The following RIPOR2 variants were observed in gnomAD, a reference collection of about 807,000 sequenced individuals.
The protein encoded by RIPOR2 is rho family-interacting cell polarization regulator 2.
Under a neutral mutation model 114.5 loss-of-function variants are expected in RIPOR2, and 39 were observed. The ratio of observed to expected loss-of-function variants is 0.34; its 90% CI spans 0.26 to 0.44. The LOEUF (loss-of-function observed/expected upper bound fraction) is 0.44. RIPOR2 is among the 20% of genes least tolerant of loss of function. RIPOR2 has a pLI of 1.00. For missense variants in RIPOR2, 1,007 were observed against 1,255.1 expected, an observed-to-expected ratio of 0.80 and a Z score of 2.99; for synonymous variants, 445 against 484.4, an observed-to-expected ratio of 0.92 and a Z score of 1.07.
intron 10 of RIPOR2, 145 bp from the exon 11 acceptor site, chr6:24,850,095 T>TTA: frequency 4.8e-6 from 3 of 621,464 alleles, no homozygotes; most frequent in Middle Eastern, 4.0e-4. Flanking sequence ...ATTTTTCTTT[T>TTA]TCTTTTTTTT....
chr6:24,910,979 G>A, intron 1 of RIPOR2: 1 of 985,220 alleles, frequency 1.0e-6, no homozygotes, highest in Non-Finnish European at 1.2e-6. Context: ...AGGAAGTCGG[G>A]TGGACGCGAG....
rs369641890 is a variant in RIPOR2, at chr6:24,839,253, C to T, written c.1877G>A (p.Arg626His). The change falls in exon 14 of 22, where the codon CGC (arginine) becomes CAC (histidine). Residue 626 changes from arginine to histidine, a missense_variant. By Grantham distance (29) the Arg-to-His change is conservative. Coordinates refer to ENST00000643898, the MANE Select transcript of RIPOR2 (RefSeq NM_001286445.3). Reference sequence around the variant, plus strand: ...GAGACTTAAACTGGAAGACCTGCTGCGGCTTACTGCTGGCTTGCACTGTAA... The same window carrying T: ...GAGACTTAAACTGGAAGACCTGCTGTGGCTTACTGCTGGCTTGCACTGTAA... The part of the protein sequence containing the change: ...DILKCKPAVS[R>H]SRSSSLSLTV... 35 of 1,551,666 alleles carry T rather than the reference C, an allele frequency of 2.3e-5. 1 individual carries two copies. Among genetic ancestry groups the T allele is most frequent in the Admixed American group, 5.9e-5 (3 of 50,980 alleles).
At chr6:24,807,635 C>T (rs746068327) in intron 21 of RIPOR2, among the ~76,000 whole-genome samples, 5 of 152,168 alleles carry the variant, frequency 3.3e-5, no homozygotes, top group Non-Finnish European at 7.3e-5. Flanking sequence ...AACTTCAGTT[C>T]CTCCATGGTG....
intron 1 of RIPOR2, among the ~76,000 whole-genome samples, chr6:24,932,336 G>A (rs967019538): frequency 6.6e-6 from 1 of 152,062 alleles, no homozygotes; most frequent in African/African-American, 2.4e-5. Flanking sequence ...GTGTGTGTGT[G>A]TGTGTGTATG....
intron 1 of RIPOR2, among the ~76,000 whole-genome samples, chr6:24,951,869 C>T (rs903182360): frequency 2.6e-5 from 4 of 152,190 alleles, no homozygotes; most frequent in Admixed American, 2.0e-4. Context: ...CATATGAGAA[C>T]GGAACTTGTG....
chr6:24,825,535 C>T (rs1455024573), intron 18 of RIPOR2, 107 bp from the exon 19 acceptor site: 9 of 741,846 alleles, frequency 1.2e-5, no homozygotes, highest in African/African-American at 1.1e-4. Context: ...AGTATAGTAA[C>T]TCCAATACAT....
chr6:24,851,755 A>G (rs1236641678), intron 9 of RIPOR2, among the ~76,000 whole-genome samples: 2 of 152,046 alleles, frequency 1.3e-5, no homozygotes, highest in African/African-American at 2.4e-5. Flanking sequence ...TCAGGAAAAA[A>G]AAAAAAAAAC....
In RIPOR2 at chr6:24,883,529, T is replaced by C. The variant is rs1278360328; in HGVS notation, c.62-7712A>G. On this transcript the variant is annotated intron_variant, in intron 1 of 21. Coordinates refer to ENST00000643898, the MANE Select transcript of RIPOR2 (RefSeq NM_001286445.3). This position sits in a 1 kb window ranked among gnomAD's most constrained non-coding sequence, Gnocchi z 4.1. ...GTGGAAGTGTTCTAAAAGCAAATCATGGATGATGGTAGCACAAATGTATAA... is the reference window on the plus strand; with the variant it reads ...GTGGAAGTGTTCTAAAAGCAAATCACGGATGATGGTAGCACAAATGTATAA... 6.6e-6 allele frequency among the ~76,000 whole-genome samples: 1 copy of C among 152,182 alleles called. No homozygotes were observed. Among genetic ancestry groups the C allele is most frequent in the South Asian group, 2.1e-4 (1 of 4,830 alleles).
Position 24,805,552 on chromosome 6 carries a change from C to G in RIPOR2, c.*821G>C, listed in dbSNP as rs4391258. On this transcript the variant is annotated 3_prime_UTR_variant, in exon 22 of 22. Coordinates refer to ENST00000643898, the MANE Select transcript of RIPOR2 (RefSeq NM_001286445.3). Reference sequence around the variant, plus strand: ...ATAAAATTAAAACATCTAAACTCTCCTAATGGGTCATTTTGCCAGGTTCTG... The same window carrying G: ...ATAAAATTAAAACATCTAAACTCTCGTAATGGGTCATTTTGCCAGGTTCTG... The G allele has an allele frequency of 6.6e-6, 1 of 151,890 alleles. No homozygotes were observed. Among genetic ancestry groups the G allele is most frequent in the Non-Finnish European group, 1.5e-5 (1 of 67,994 alleles). 9.4% of individuals were successfully genotyped at this position (151,890 alleles called of 1,614,324 possible).
At chr6:24,853,519 T>C (rs979431757) in intron 8 of RIPOR2, among the ~76,000 whole-genome samples, 2 of 152,120 alleles carry the variant, frequency 1.3e-5, no homozygotes, top group South Asian at 4.1e-4. Flanking sequence ...TAGAACAAAA[T>C]ACAGTTAAAG....
At position 24,843,294 on chromosome 6, in the gene RIPOR2, T is replaced by C. The variant is rs368649878; in HGVS notation, c.1425A>G (p.Pro475=). 1.6e-5 allele frequency: 26 copies of C among 1,614,026 alleles called. No individual in the cohort carries two copies. The African/African-American group carries it at 3.3e-4, about 21-fold the overall frequency. The stretch of plus-strand genomic sequence containing the variant: ...GGTCTTCCTCCTTCAGGTGTGACTT[T>C]GGCTCTTGGCCTTCTCCCAGGGAGT... ...SRNSLGEGQE[P]KSHLKEEDPE... The change falls in exon 13 of 22, where the codon CCA becomes CCG. Residue 475 remains proline, a synonymous_variant. Transcript: ENST00000643898.
intron 1 of RIPOR2, among the ~76,000 whole-genome samples, chr6:24,913,221 G>A (rs563110440): frequency 6.6e-6 from 1 of 152,082 alleles, no homozygotes; most frequent in Non-Finnish European, 1.5e-5. Context: ...GCATGGAGTG[G>A]CTCCCCAAGC....
chr6:24,852,186 C>T (rs1309630822), intron 9 of RIPOR2, among the ~76,000 whole-genome samples: 2 of 152,096 alleles, frequency 1.3e-5, no homozygotes, highest in Non-Finnish European at 1.5e-5. Flanking sequence ...CGCTTGAATC[C>T]AGGTGGCAGA....
intron 1 of RIPOR2, chr6:24,948,009 A>G (rs771043171): frequency 2.6e-5 from 4 of 151,948 alleles, no homozygotes; most frequent in Non-Finnish European, 5.9e-5. Context: ...CAAAAAATTA[A>G]CTCATACTAG....
At chr6:24,835,538 A>G (rs1176743336) in intron 15 of RIPOR2, among the ~76,000 whole-genome samples, 165 bp downstream of exon 15, 1 of 152,212 alleles carries the variant, frequency 6.6e-6, no homozygotes, top group Non-Finnish European at 1.5e-5. Context: ...AAGGTTGTAG[A>G]GGGATGGGCA....
chr6:25,018,729 AG>A (rs1413760057), intron 1 of RIPOR2, among the ~76,000 whole-genome samples: 6 of 152,188 alleles, frequency 3.9e-5, no homozygotes, highest in African/African-American at 1.4e-4. Flanking sequence ...GCAAGATAAT[AG>A]GTGATACTCT....
chr6:24,840,108 C>T (rs1761540414), intron 13 of RIPOR2: 3 of 700,812 alleles, frequency 4.3e-6, no homozygotes, highest in South Asian at 6.0e-5. Context: ...TGCCACCACA[C>T]CAGGCTAATT....
At chr6:24,918,555 G>A (rs1237162498) in intron 1 of RIPOR2, among the ~76,000 whole-genome samples, 2 of 152,064 alleles carry the variant, frequency 1.3e-5, no homozygotes, top group Non-Finnish European at 2.9e-5. Context: ...TTAACTTCAG[G>A]AGCTACTTTT....
At chr6:24,850,094 TTTC>T in intron 10 of RIPOR2, 144 bp from the exon 11 acceptor site, 1 of 630,744 alleles carries the variant, frequency 1.6e-6, no homozygotes, top group East Asian at 3.1e-5. Flanking sequence ...CATTTTTCTT[TTTC>T]TTTTTTTTTT....
Sources: gnomAD v4.1 joint callset for allele counts (sites outside exome capture counted in the v4.1 genomes callset) on GRCh38, gnomAD v4.1.1 for gene constraint, Gnocchi (gnomAD v3.1) non-coding constraint, MANE v1.5 for transcripts, NCBI Gene and HGNC (gene_info 2026-07-23, HGNC 2026-07-21) for gene names.